Variants in ADAMTS2 observed in about 807,000 individuals in gnomAD.
The protein encoded by ADAMTS2 is ADAM metallopeptidase with thrombospondin type 1 motif 2.
ADAMTS2 carries 50 observed loss-of-function variants against 123.0 expected under a neutral mutation model. The observed-to-expected ratio is 0.41, with a 90% CI of 0.32 to 0.51. The LOEUF (loss-of-function observed/expected upper bound fraction) is 0.51, where lower values mean the gene tolerates loss of function less well. Ranked by LOEUF, ADAMTS2 falls within the 20% of genes least tolerant of loss-of-function variation. The pLI, the probability that ADAMTS2 is intolerant of heterozygous loss-of-function variation, is 0.35. For missense variants in ADAMTS2, 1,494 were observed against 1,705.2 expected (o/e 0.88, Z 2.18); for synonymous variants, 678 against 695.4 (o/e 0.98, Z 0.39).
intron 2 of ADAMTS2, among the ~76,000 whole-genome samples, chr5:179,274,824 G>T (rs78191428): frequency 0.034 from 5,171 of 152,350 alleles, 120 homozygotes; most frequent in Non-Finnish European, 0.055. Flanking sequence ...AGGGGCTGGT[G>T]GAGGTGCAGG....
chr5:179,206,821 A>G (rs1764709062), intron 4 of ADAMTS2, among the ~76,000 whole-genome samples: 1 of 152,172 alleles, frequency 6.6e-6, no homozygotes, highest in South Asian at 2.1e-4. Context: ...GGGGTATGGA[A>G]TGAGGGGGAG....
intron 3 of ADAMTS2, among the ~76,000 whole-genome samples, chr5:179,227,464 C>T (rs558252807): frequency 3.3e-4 from 50 of 152,294 alleles, no homozygotes; most frequent in African/African-American, 1.2e-3. Flanking sequence ...TGGAACTGGT[C>T]TGGCACCGAT....
intron 3 of ADAMTS2, among the ~76,000 whole-genome samples, chr5:179,265,948 C>T (rs1016184937): frequency 1.3e-5 from 2 of 152,248 alleles, no homozygotes; most frequent in Non-Finnish European, 2.9e-5. Context: ...GGATCCAGCG[C>T]CGAGGCGCTG....
chr5:179,324,757 G>A (rs952487094), intron 2 of ADAMTS2, among the ~76,000 whole-genome samples: 5 of 152,140 alleles, frequency 3.3e-5, no homozygotes, highest in African/African-American at 7.2e-5. Context: ...ACATTATTTT[G>A]ATCAGGGGTC....
rs537118274 is a variant in ADAMTS2, at chr5:179,128,384, TTTTTTGTTTG to T, written c.2458-276_2458-267del. 2.0e-3 allele frequency among the ~76,000 whole-genome samples: 312 copies of T among 152,216 alleles called. No homozygotes were observed. The highest frequency in any genetic ancestry group is 3.2e-3 in the Non-Finnish European group (215 of 68,022). On this transcript the variant is annotated intron_variant, in intron 16 of 21. Coordinates refer to ENST00000251582, the MANE Select transcript of ADAMTS2 (RefSeq NM_014244.5). This position sits in a 1 kb window ranked among gnomAD's most constrained non-coding sequence, Gnocchi z 4.9. ...TTGTTTTATGTGTGAGTCTGTTTATTTTTTTGTTTGTTTTTGTTTGTTTTTGAGATGGAGT... is the reference window on the plus strand; with the variant it reads ...TTGTTTTATGTGTGAGTCTGTTTATTTTTTTGTTTGTTTTTGAGATGGAGT...
chr5:179,152,318 C>T, intron 9 of ADAMTS2, 63 bp from the exon 10 acceptor site: 1 of 1,506,806 alleles, frequency 6.6e-7, no homozygotes, highest in African/African-American at 1.4e-5. Flanking sequence ...AGGGATGCCA[C>T]CCACCCCCGG....
intron 3 of ADAMTS2, among the ~76,000 whole-genome samples, chr5:179,261,400 G>A (rs571069039): frequency 7.9e-5 from 12 of 152,316 alleles, no homozygotes; most frequent in Middle Eastern, 3.4e-3. Flanking sequence ...GCTCTGCCCC[G>A]AGTGGTGAGT....
chr5:179,153,842 T>G (rs970091558), intron 8 of ADAMTS2, among the ~76,000 whole-genome samples: 2 of 152,128 alleles, frequency 1.3e-5, no homozygotes. Flanking sequence ...CCGTGCCCAC[T>G]TGCCATTCAA....
chr5:179,188,358 G>T lies in ADAMTS2; in HGVS notation c.892-7203C>A, dbSNP rs1217603832. Reference sequence around the variant, plus strand: ...CTCTCTGTGCCCCTTCGGAGGCCAGGCTTGGACCACCAGGATGGAGGCAGA... The same window carrying T: ...CTCTCTGTGCCCCTTCGGAGGCCAGTCTTGGACCACCAGGATGGAGGCAGA... On this transcript the variant is annotated intron_variant, in intron 4 of 21. Transcript: ENST00000251582. This position sits in a 1 kb window ranked among gnomAD's most constrained non-coding sequence, Gnocchi z 5.1. Among the ~76,000 whole-genome samples, 1 of 152,170 alleles carries T rather than the reference G, an allele frequency of 6.6e-6. No individual in the cohort carries two copies. The highest frequency in any genetic ancestry group is 1.5e-5 in the Non-Finnish European group (1 of 68,032).
chr5:179,212,684 GCC>G (rs1451129051), intron 3 of ADAMTS2, among the ~76,000 whole-genome samples: 1 of 130,918 alleles, frequency 7.6e-6, no homozygotes, highest in African/African-American at 2.9e-5. Context: ...GCAGGTGTGG[GCC>G]CTGAGGGCGG....
intron 2 of ADAMTS2, among the ~76,000 whole-genome samples, chr5:179,341,731 A>G (rs996607715): frequency 6.6e-6 from 1 of 150,996 alleles, no homozygotes; most frequent in Admixed American, 6.6e-5. Flanking sequence ...AAAAAAAAAA[A>G]AGAAAACAGA....
chr5:179,336,230 C>A (rs1324103796), intron 2 of ADAMTS2, among the ~76,000 whole-genome samples: 2 of 152,226 alleles, frequency 1.3e-5, no homozygotes, highest in Non-Finnish European at 2.9e-5. Flanking sequence ...TCACTGTCAA[C>A]ACCCTGGACA....
intron 2 of ADAMTS2, among the ~76,000 whole-genome samples, 178 bp downstream of exon 2, chr5:179,343,589 A>C (rs1757842928): frequency 6.6e-6 from 1 of 152,238 alleles, no homozygotes; most frequent in Non-Finnish European, 1.5e-5. Context: ...AGACCAGTCA[A>C]AACAACCTGC....
rs1764141971 is a variant in ADAMTS2 at position 179,185,242 on chromosome 5, G to A, written c.892-4087C>T. On this transcript the variant is annotated intron_variant, in intron 4 of 21. Coordinates refer to ENST00000251582, the MANE Select transcript of ADAMTS2 (RefSeq NM_014244.5). This position sits in a 1 kb window ranked among gnomAD's most constrained non-coding sequence, Gnocchi z 5.9. ...GGCATTTAAGAAGCTTACTCCAGGT[G>A]CCTTACGGAAAGTAGATGGAAGGGG... 6.6e-6 allele frequency among the ~76,000 whole-genome samples: 1 copy of A among 152,230 alleles called. No individual in the cohort carries two copies. Among genetic ancestry groups the A allele is most frequent in the Non-Finnish European group, 1.5e-5 (1 of 68,040 alleles).
At chr5:179,232,254 G>A (rs1765426355) in intron 3 of ADAMTS2, among the ~76,000 whole-genome samples, 1 of 152,176 alleles carries the variant, frequency 6.6e-6, no homozygotes, top group Non-Finnish European at 1.5e-5. Context: ...TCAAATCTCC[G>A]ACTATGCCCA....
At chr5:179,325,525 C>T (rs530649622) in intron 2 of ADAMTS2, among the ~76,000 whole-genome samples, 3 of 152,372 alleles carry the variant, frequency 2.0e-5, no homozygotes, top group African/African-American at 7.2e-5. Flanking sequence ...AGCCCTGGAG[C>T]CACAGCAGTC....
chr5:179,327,044 G>A (rs1420517266), intron 2 of ADAMTS2, among the ~76,000 whole-genome samples: 12 of 152,178 alleles, frequency 7.9e-5, no homozygotes, highest in African/African-American at 2.2e-4. Context: ...GGAACTGTGG[G>A]ACCCTTCTAG....
chr5:179,216,100 G>A (rs1372387565), intron 3 of ADAMTS2, among the ~76,000 whole-genome samples: 1 of 152,210 alleles, frequency 6.6e-6, no homozygotes, highest in Non-Finnish European at 1.5e-5. Context: ...GAAAACGGAA[G>A]CCCAACACAG....
chr5:179,164,665 C>T (rs1194519370), intron 5 of ADAMTS2, among the ~76,000 whole-genome samples: 2 of 152,232 alleles, frequency 1.3e-5, no homozygotes, highest in Admixed American at 1.3e-4. Context: ...GGCTGTTTTG[C>T]TTTGGGAGCT....
Sources: gnomAD v4.1 joint callset for allele counts (sites outside exome capture counted in the v4.1 genomes callset) on GRCh38, gnomAD v4.1.1 for gene constraint, Gnocchi (gnomAD v3.1) non-coding constraint, MANE v1.5 for transcripts, NCBI Gene and HGNC (gene_info 2026-07-23, HGNC 2026-07-21) for gene names.